Variants in OPN5 observed in about 807,000 individuals in gnomAD.
OPN5 encodes opsin 5.
OPN5 carries 18 observed loss-of-function variants against 41.7 expected under a neutral mutation model. That is an observed-to-expected ratio of 0.43 (90% CI 0.30 to 0.64). The LOEUF is 0.64. OPN5 is among the 30% of genes least tolerant of loss of function. The probability of loss-of-function intolerance (pLI) is 0.13; values close to 1 mark genes in which losing one functional copy is unlikely to be tolerated. For synonymous variants in OPN5, 178 were observed against 164.3 expected (o/e 1.08, Z -0.64); for missense variants, 318 against 434.5 (o/e 0.73, Z 2.38).
intron 5 of OPN5, among the ~76,000 whole-genome samples, chr6:47,811,451 C>T (rs74605302): frequency 6.6e-6 from 1 of 152,218 alleles, no homozygotes; most frequent in East Asian, 1.9e-4. Context: ...ACGAAATGTG[C>T]TGTAAATGAG....
chr6:47,814,514 G>A lies in OPN5; in HGVS notation c.1056+2783G>A, dbSNP rs146018361. ...TATCAATTTGAAAAATATGATTTAA[G>A]TCCTCCATGCTTTGGTTCTACATTG... On this transcript the variant is annotated intron_variant, in intron 6 of 6. Coordinates refer to ENST00000371211, the Ensembl canonical transcript of OPN5. Among the ~76,000 whole-genome samples the A allele has an allele frequency of 5.6e-4, 86 of 152,244 alleles. 1 individual carries two copies. Among genetic ancestry groups the A allele is most frequent in the South Asian group, 3.9e-3 (19 of 4,824 alleles).
intron 2 of OPN5, among the ~76,000 whole-genome samples, chr6:47,787,618 G>A (rs1451357788): frequency 6.6e-6 from 1 of 152,018 alleles, no homozygotes; most frequent in East Asian, 1.9e-4. Context: ...AAAATATTTC[G>A]TGTCTGGGCA....
In OPN5 at chr6:47,814,311, C is replaced by T. The variant is rs142145313; in HGVS notation, c.1056+2580C>T. Among the ~76,000 whole-genome samples, 286 of 151,930 alleles carry T rather than the reference C, an allele frequency of 1.9e-3. 2 individuals are homozygous for T. The highest frequency in any genetic ancestry group is 6.7e-3 in the African/African-American group (278 of 41,470). On this transcript the variant is annotated intron_variant, in intron 6 of 6. Coordinates refer to ENST00000371211, the Ensembl canonical transcript of OPN5. ...GAATTTAACATTAACATTGTACAAACGTCCCTGAAGACAGATAGTTTAACT... is the reference window on the plus strand; with the variant it reads ...GAATTTAACATTAACATTGTACAAATGTCCCTGAAGACAGATAGTTTAACT...
intron 4 of OPN5, 78 bp from the exon 5 acceptor site, chr6:47,808,076 T>G (rs746568510): frequency 1.4e-6 from 2 of 1,427,006 alleles, no homozygotes; most frequent in Non-Finnish European, 9.8e-7. Flanking sequence ...GACCTGATCC[T>G]TCTCCATACC....
At chr6:47,813,019 G>A (rs1215245756) in intron 6 of OPN5, among the ~76,000 whole-genome samples, 1 of 151,886 alleles carries the variant, frequency 6.6e-6, no homozygotes, top group African/African-American at 2.4e-5. Context: ...GTGTGTCACT[G>A]GTTTAAGATA....
intron 6 of OPN5, among the ~76,000 whole-genome samples, chr6:47,820,913 A>T (rs1214491646): frequency 6.6e-6 from 1 of 152,230 alleles, no homozygotes; most frequent in Non-Finnish European, 1.5e-5. Context: ...GAACAGAAAC[A>T]GTCGATAAAC....
chr6:47,821,151 G>C (rs1263618845), intron 6 of OPN5, among the ~76,000 whole-genome samples: 1 of 152,174 alleles, frequency 6.6e-6, no homozygotes, highest in African/African-American at 2.4e-5. Context: ...AAGTGATGGA[G>C]GAAGTGGAAG....
intron 5 of OPN5, among the ~76,000 whole-genome samples, chr6:47,811,350 C>T (rs1229278093): frequency 2.0e-5 from 3 of 152,094 alleles, no homozygotes. Flanking sequence ...AAGAACATTC[C>T]TTCAGTAGGT....
intron 3 of OPN5, among the ~76,000 whole-genome samples, chr6:47,793,300 G>C (rs567982730): frequency 3.3e-5 from 5 of 152,100 alleles, no homozygotes; most frequent in African/African-American, 1.2e-4. Flanking sequence ...AGATGATGCC[G>C]CCCACTGCCA....
At chr6:47,798,078 G>T (rs576991506) in intron 4 of OPN5, among the ~76,000 whole-genome samples, 1 of 151,910 alleles carries the variant, frequency 6.6e-6, no homozygotes, top group South Asian at 2.1e-4. Flanking sequence ...CAAAGTGTAG[G>T]AATACATATG....
intron 5 of OPN5, among the ~76,000 whole-genome samples, chr6:47,811,383 AG>A (rs1774195507): frequency 6.6e-6 from 1 of 152,176 alleles, no homozygotes; most frequent in African/African-American, 2.4e-5. Context: ...CTACATATAT[AG>A]TGCAGGTAGG....
At chr6:47,782,302 G>A (rs760507523) in intron 1 of OPN5, 106 bp downstream of exon 1, 31 of 1,049,624 alleles carry the variant, frequency 3.0e-5, no homozygotes, top group Non-Finnish European at 3.9e-5. Flanking sequence ...TAGTTTAGTG[G>A]AGGCGAAGAG....
chr6:47,800,794 G>C (rs975519592), intron 4 of OPN5, among the ~76,000 whole-genome samples: 1 of 152,214 alleles, frequency 6.6e-6, no homozygotes, highest in Non-Finnish European at 1.5e-5. Flanking sequence ...GTTCACTGTT[G>C]TAGTTTTTCT....
At chr6:47,808,484 G>A in intron 5 of OPN5, 89 bp downstream of exon 5, 1 of 1,422,894 alleles carries the variant, frequency 7.0e-7, no homozygotes, top group Non-Finnish European at 9.7e-7. Flanking sequence ...TGTCTTCTTA[G>A]GGTTAAAGCT....
intron 6 of OPN5, among the ~76,000 whole-genome samples, chr6:47,816,555 C>A (rs1762434258): frequency 6.6e-6 from 1 of 152,134 alleles, no homozygotes; most frequent in Admixed American, 6.6e-5. Flanking sequence ...CAAAATGGAG[C>A]TGGCCAGGTG....
intron 5 of OPN5, among the ~76,000 whole-genome samples, chr6:47,810,025 A>G (rs1404090177): frequency 1.3e-5 from 2 of 152,222 alleles, no homozygotes; most frequent in African/African-American, 4.8e-5. Flanking sequence ...TTCAATACTC[A>G]ACAATGGGAA....
intron 2 of OPN5, chr6:47,786,992 T>C: frequency 1.1e-6 from 1 of 885,244 alleles, no homozygotes; most frequent in Non-Finnish European, 1.4e-6. Context: ...TCTTTACACC[T>C]CTTCAACCCT....
intron 6 of OPN5, among the ~76,000 whole-genome samples, chr6:47,819,012 A>C (rs1762513699): frequency 1.3e-5 from 2 of 151,988 alleles, no homozygotes; most frequent in African/African-American, 4.8e-5. Context: ...CATTTATAAG[A>C]TCTAATAAGC....
chr6:47,794,276 G>T (rs1309998235), intron 3 of OPN5, among the ~76,000 whole-genome samples: 1 of 152,164 alleles, frequency 6.6e-6, no homozygotes, highest in Non-Finnish European at 1.5e-5. Context: ...TTTAGCTTTT[G>T]TTGAATATAT....
Sources: allele counts gnomAD v4.1 joint callset (sites outside exome capture counted in the v4.1 genomes callset), GRCh38; gene constraint gnomAD v4.1.1; transcripts MANE v1.5; gene names NCBI Gene and HGNC (gene_info 2026-07-23, HGNC 2026-07-21).